DNAJC2: variants seen among roughly 807,000 people sequenced by gnomAD.
DNAJC2 encodes the protein dnaJ homolog subfamily C member 2.
Under a neutral mutation model 94.0 loss-of-function variants are expected in DNAJC2, and 32 were observed. That is an observed-to-expected ratio of 0.34 (90% CI 0.26 to 0.46). The LOEUF (loss-of-function observed/expected upper bound fraction) is 0.46, where lower values mean the gene tolerates loss of function less well. Ranked by LOEUF, DNAJC2 falls within the 20% of genes least tolerant of loss-of-function variation. The probability of loss-of-function intolerance (pLI) is 1.00; values close to 1 mark genes in which losing one functional copy is unlikely to be tolerated. For missense variants in DNAJC2, 550 were observed against 719.5 expected (o/e 0.76, Z 2.69); for synonymous variants, 210 against 229.7 (o/e 0.91, Z 0.77).
At chr7:103,327,481 C>G in intron 4 of DNAJC2, 175 bp downstream of exon 4, 2 of 690,486 alleles carry the variant, frequency 2.9e-6, no homozygotes, top group Non-Finnish European at 4.8e-6. Context: ...GGGGACACCT[C>G]ACTTTGTGTC....
intron 9 of DNAJC2, 100 bp from the exon 10 acceptor site, chr7:103,322,181 A>C: frequency 1.1e-6 from 1 of 912,688 alleles, no homozygotes; most frequent in Non-Finnish European, 1.5e-6. Flanking sequence ...TATATTAGGA[A>C]AAAAGGCAAC....
intron 3 of DNAJC2, among the ~76,000 whole-genome samples, chr7:103,334,383 G>T (rs1819086427): frequency 6.6e-6 from 1 of 151,666 alleles, no homozygotes; most frequent in African/African-American, 2.4e-5. Context: ...TCAACGTGGT[G>T]AAACCCAGTC....
Position 103,328,492 on chromosome 7 carries a change from G to A in DNAJC2, c.332-738C>T, listed in dbSNP as rs545762072. On this transcript the variant is annotated intron_variant, in intron 3 of 16. Coordinates refer to ENST00000379263, the MANE Select transcript of DNAJC2 (RefSeq NM_014377.3). ...CTAAAAATACAAAAACTAGCTGGGC[G>A]TGGTGGTGCATGCCTGTGGTCCCAG... 1.2e-3 allele frequency among the ~76,000 whole-genome samples: 189 copies of A among 152,072 alleles called. 1 individual carries two copies. The highest frequency in any genetic ancestry group is 2.3e-3 in the Non-Finnish European group (154 of 67,982).
intron 6 of DNAJC2, 102 bp downstream of exon 6, chr7:103,324,380 T>C: frequency 1.9e-6 from 2 of 1,062,048 alleles, no homozygotes; most frequent in Non-Finnish European, 2.6e-6. Flanking sequence ...GTGAAGGTTC[T>C]GCAATTTGTC....
intron 15 of DNAJC2, 118 bp from the exon 16 acceptor site, chr7:103,313,219 T>TA: frequency 6.8e-7 from 1 of 1,462,132 alleles, no homozygotes; most frequent in South Asian, 1.5e-5. Context: ...ATTTTGAAAA[T>TA]AAACTTGTAG....
At chr7:103,321,058 TGTG>T (rs1304173071) in intron 10 of DNAJC2, among the ~76,000 whole-genome samples, 2 of 149,272 alleles carry the variant, frequency 1.3e-5, no homozygotes, top group African/African-American at 5.0e-5. Flanking sequence ...ATTAGCTGGG[TGTG>T]GTGGTATGCA....
At chr7:103,321,520 A>G (rs889772244) in intron 10 of DNAJC2, among the ~76,000 whole-genome samples, 2 of 151,652 alleles carry the variant, frequency 1.3e-5, no homozygotes, top group African/African-American at 2.4e-5. Context: ...TCCATCTCAA[A>G]TAAATAAATA....
chr7:103,321,996 T>C lies in DNAJC2; in HGVS notation c.1019A>G (p.Lys340Arg), dbSNP rs1818446025. Residue 340 changes from lysine (K) to arginine (R), a missense_variant, in exon 10 of 17, where the codon AAG becomes AGG. By Grantham distance (26) the Lys-to-Arg change is conservative (BLOSUM62 2). This residue lies in a region of DNAJC2 where 279 missense variants were observed against 416.9 expected (regional missense o/e 0.67). Coordinates refer to ENST00000379263, the MANE Select transcript of DNAJC2 (RefSeq NM_014377.3). ...EVRQQALLAKKEKDIQKKAIK... is the reference protein window; with the variant it reads ...EVRQQALLAKREKDIQKKAIK... Reference sequence around the variant, plus strand: ...GGCTTTTTTCTGGATATCTTTTTCCTTCTTTGCCAGCAATGCTTGCTGTCT... The same window carrying C: ...GGCTTTTTTCTGGATATCTTTTTCCCTCTTTGCCAGCAATGCTTGCTGTCT... 3 of 1,614,160 alleles carry C rather than the reference T, an allele frequency of 1.9e-6. No individual in the cohort carries two copies. The East Asian group carries it at 6.7e-5, about 36-fold the overall frequency.
chr7:103,334,521 A>C (rs1819091862), intron 3 of DNAJC2, among the ~76,000 whole-genome samples: 1 of 151,770 alleles, frequency 6.6e-6, no homozygotes, highest in Non-Finnish European at 1.5e-5. Flanking sequence ...GGTTGCAGTG[A>C]GCCAAGATCA....
intron 10 of DNAJC2, among the ~76,000 whole-genome samples, chr7:103,321,183 G>C (rs1314208197): frequency 6.6e-6 from 1 of 152,010 alleles, no homozygotes; most frequent in Non-Finnish European, 1.5e-5. Flanking sequence ...GAGTGACTGA[G>C]ACCCTGCCTC....
At chr7:103,318,991 C>T (rs1443152893) in intron 12 of DNAJC2, among the ~76,000 whole-genome samples, 2 of 152,000 alleles carry the variant, frequency 1.3e-5, no homozygotes, top group Admixed American at 1.3e-4. Context: ...GCGGACGGAT[C>T]ACTTGAGGTA....
chr7:103,317,131 A>G (rs2115800028), intron 12 of DNAJC2, 117 bp from the exon 13 acceptor site: 2 of 918,682 alleles, frequency 2.2e-6, no homozygotes, highest in Non-Finnish European at 3.3e-6. Context: ...CTCTGACCCC[A>G]TACTCCTCTC....
chr7:103,344,655 G>C lies in DNAJC2; in HGVS notation c.-33C>G, dbSNP rs924936923. 3 of 1,602,014 alleles carry C rather than the reference G, an allele frequency of 1.9e-6. 1 individual carries two copies. On this transcript the variant is annotated 5_prime_UTR_variant, in exon 1 of 17. Coordinates refer to ENST00000379263, the MANE Select transcript of DNAJC2 (RefSeq NM_014377.3). Reference sequence around the variant, plus strand: ...CCGGGTCTAGCCCGGTGGGCGCAGCGGCTCACGTCCCGGGCGGAGGGCGCT... The same window carrying C: ...CCGGGTCTAGCCCGGTGGGCGCAGCCGCTCACGTCCCGGGCGGAGGGCGCT...
intron 3 of DNAJC2, among the ~76,000 whole-genome samples, chr7:103,334,074 G>A (rs1819073796): frequency 6.6e-6 from 1 of 151,406 alleles, no homozygotes; most frequent in South Asian, 2.1e-4. Context: ...CCTCAGCCAC[G>A]CGAGTAGCTG....
intron 2 of DNAJC2, among the ~76,000 whole-genome samples, chr7:103,338,680 G>A (rs1186889997): frequency 6.6e-6 from 1 of 151,894 alleles, no homozygotes; most frequent in Non-Finnish European, 1.5e-5. Flanking sequence ...GGGAGGCTGA[G>A]GTGGGTGGAT....
At position 103,335,314 on chromosome 7, in the gene DNAJC2, TTAGA is replaced by T. The variant is rs893274678; in HGVS notation, c.331+2418_331+2421del. On this transcript the variant is annotated intron_variant, in intron 3 of 16. Transcript: ENST00000379263. ...AAACAGTAACTTTGCATTTTAACTT[TTAGA>T]TAGATTTTCAGAAAGCAATGAGTAG... is the stretch of plus-strand genomic sequence containing the variant. The T allele has an allele frequency of 4.6e-5, 7 of 152,302 alleles. No homozygotes were observed. The East Asian group carries it at 5.8e-4, about 13-fold the overall frequency. 9.4% of individuals were successfully genotyped at this position (152,302 alleles called of 1,614,324 possible).
intron 10 of DNAJC2, among the ~76,000 whole-genome samples, 174 bp from the exon 11 acceptor site, chr7:103,320,018 A>C (rs1488704874): frequency 3.3e-5 from 5 of 152,220 alleles, no homozygotes; most frequent in Non-Finnish European, 7.3e-5. Context: ...TGGACAACAG[A>C]GCAAGACTCC....
At chr7:103,316,634 GTA>G in intron 13 of DNAJC2, 194 bp downstream of exon 13, 1 of 578,016 alleles carries the variant, frequency 1.7e-6, no homozygotes, top group Admixed American at 3.2e-5. Flanking sequence ...TCTGTCATAT[GTA>G]TATGTGCATG....
At chr7:103,336,155 G>A (rs1586109487) in intron 3 of DNAJC2, 1 of 152,084 alleles carries the variant, frequency 6.6e-6, no homozygotes, top group Non-Finnish European at 1.5e-5. Flanking sequence ...CAACAAGTAC[G>A]AAATTCTGTC....
Sources: gnomAD v4.1 joint callset for allele counts (sites outside exome capture counted in the v4.1 genomes callset) on GRCh38, gnomAD v4.1.1 for gene constraint, gnomAD v4.1.1 regional missense constraint, MANE v1.5 for transcripts, NCBI Gene and HGNC (gene_info 2026-07-23, HGNC 2026-07-21) for gene names.